Variants in LRMDA observed in about 807,000 individuals in gnomAD.
The protein encoded by LRMDA is leucine rich melanocyte differentiation associated, also known as leucine-rich melanocyte differentiation-associated protein.
A neutral mutation model predicts 29.8 loss-of-function variants in LRMDA; 18 were observed. The ratio of observed to expected loss-of-function variants is 0.60; its 90% CI spans 0.42 to 0.90. The LOEUF (loss-of-function observed/expected upper bound fraction) is 0.90, where lower values mean the gene tolerates loss of function less well. Among genes scored for constraint, LRMDA ranks in the 40% least tolerant of loss-of-function variants. The pLI, the probability that LRMDA is intolerant of heterozygous loss-of-function variation, is 0.00. For synonymous variants in LRMDA, 125 were observed against 109.4 expected, an observed-to-expected ratio of 1.14 and a Z score of -0.89; for missense variants, 273 against 273.9, an observed-to-expected ratio of 1.00 and a Z score of 0.02.
chr10:75,692,786 G>A (rs1254958257), intron 2 of LRMDA, among the ~76,000 whole-genome samples: 1 of 152,118 alleles, frequency 6.6e-6, no homozygotes, highest in East Asian at 1.9e-4. Context: ...AGGCCTGGTG[G>A]AGAGGGGAGA....
intron 2 of LRMDA, chr10:75,643,077 G>A (rs145824791): frequency 1.3e-5 from 2 of 151,992 alleles, no homozygotes; most frequent in African/African-American, 2.4e-5. Context: ...ACCTCAGCAC[G>A]GTAGGACTTT....
intron 6 of LRMDA, among the ~76,000 whole-genome samples, chr10:76,528,075 C>CTA (rs149770974): frequency 0.035 from 5,375 of 152,190 alleles, 121 homozygotes; most frequent in South Asian, 0.1. Context: ...ATGCCTGGTG[C>CTA]TATGGAGTGG....
intron 2 of LRMDA, among the ~76,000 whole-genome samples, chr10:75,526,176 C>A (rs183851641): frequency 1.1e-4 from 17 of 152,130 alleles, no homozygotes; most frequent in African/African-American, 4.1e-4. Flanking sequence ...AGGGATCCTC[C>A]TGCCTCAGCC....
intron 2 of LRMDA, among the ~76,000 whole-genome samples, chr10:75,833,457 C>A (rs114732654): frequency 0.013 from 2,011 of 152,278 alleles, 52 homozygotes; most frequent in African/African-American, 0.046. Flanking sequence ...ATGATCTCTT[C>A]TCTTTTTGCT....
chr10:75,822,712 G>A (rs999156311), intron 2 of LRMDA, among the ~76,000 whole-genome samples: 1 of 152,014 alleles, frequency 6.6e-6, no homozygotes, highest in African/African-American at 2.4e-5. Flanking sequence ...CTGGGGGAAA[G>A]GACACCTTAT....
chr10:75,465,095 C>T (rs1564777848), intron 2 of LRMDA, among the ~76,000 whole-genome samples: 1 of 152,128 alleles, frequency 6.6e-6, no homozygotes, highest in African/African-American at 2.4e-5. Flanking sequence ...GTGGAGGAAA[C>T]TTTAATTTTG....
chr10:75,993,074 C>T (rs1430173294), intron 2 of LRMDA, among the ~76,000 whole-genome samples: 1 of 152,104 alleles, frequency 6.6e-6, no homozygotes, highest in Non-Finnish European at 1.5e-5. Context: ...CCTCTCAGCC[C>T]TTGTGATTCC....
At chr10:75,695,764 G>C (rs1220610249) in intron 2 of LRMDA, among the ~76,000 whole-genome samples, 1 of 152,120 alleles carries the variant, frequency 6.6e-6, no homozygotes, top group East Asian at 1.9e-4. Flanking sequence ...TCTGTGGCCT[G>C]ATTTTTTTTC....
intron 6 of LRMDA, among the ~76,000 whole-genome samples, chr10:76,344,826 G>A (rs972872078): frequency 6.0e-5 from 9 of 150,750 alleles, no homozygotes; most frequent in Admixed American, 5.3e-4. Flanking sequence ...CATATAATAG[G>A]TATTTGGAAA....
chr10:76,459,569 G>A (rs1199755513), intron 6 of LRMDA, among the ~76,000 whole-genome samples: 4 of 152,134 alleles, frequency 2.6e-5, no homozygotes, highest in East Asian at 1.9e-4. Flanking sequence ...AATGCTTTAC[G>A]TGCTTTGGTG....
chr10:75,506,028 A>G (rs971071690), intron 2 of LRMDA, among the ~76,000 whole-genome samples: 2 of 152,206 alleles, frequency 1.3e-5, no homozygotes, highest in African/African-American at 2.4e-5. Context: ...CCTGCGGTGA[A>G]CTTAGTGTTT....
chr10:75,627,454 T>C (rs1186775739), intron 2 of LRMDA, among the ~76,000 whole-genome samples: 1 of 152,174 alleles, frequency 6.6e-6, no homozygotes, highest in East Asian at 1.9e-4. Context: ...AGAGATGAGT[T>C]ATGGCAGTTT....
chr10:76,099,803 C>G (rs1425774050), intron 5 of LRMDA, among the ~76,000 whole-genome samples: 1 of 152,030 alleles, frequency 6.6e-6, no homozygotes, highest in Non-Finnish European at 1.5e-5. Flanking sequence ...AGATAACACA[C>G]TTTGTATTAT....
intron 2 of LRMDA, among the ~76,000 whole-genome samples, chr10:75,567,775 C>T (rs1336817106): frequency 6.6e-6 from 1 of 152,066 alleles, no homozygotes; most frequent in Non-Finnish European, 1.5e-5. Context: ...GAATCATGAT[C>T]CCCCAGTATT....
intron 2 of LRMDA, among the ~76,000 whole-genome samples, chr10:75,442,125 C>G (rs1318406707): frequency 2.0e-5 from 3 of 152,060 alleles, no homozygotes; most frequent in Non-Finnish European, 4.4e-5. Flanking sequence ...AAATTTTTTC[C>G]AACTTTATTG....
intron 6 of LRMDA, among the ~76,000 whole-genome samples, chr10:76,380,156 C>A (rs964163610): frequency 1.3e-5 from 2 of 151,972 alleles, no homozygotes; most frequent in Middle Eastern, 3.2e-3. Flanking sequence ...ATATTCCATG[C>A]GTAGATGAGA....
At chr10:75,855,414 T>A (rs1844808600) in intron 2 of LRMDA, among the ~76,000 whole-genome samples, 1 of 152,220 alleles carries the variant, frequency 6.6e-6, no homozygotes, top group African/African-American at 2.4e-5. Context: ...TTGATGGGGT[T>A]GTTTTTTTCT....
intron 2 of LRMDA, among the ~76,000 whole-genome samples, chr10:75,916,392 G>C (rs1244770876): frequency 6.6e-6 from 1 of 152,232 alleles, no homozygotes; most frequent in Middle Eastern, 3.4e-3. Context: ...CCTGGCAAGA[G>C]AGAGGCAGCA....
At chr10:75,658,454 T>C (rs1470917837) in intron 2 of LRMDA, among the ~76,000 whole-genome samples, 2 of 151,852 alleles carry the variant, frequency 1.3e-5, no homozygotes, top group Non-Finnish European at 1.5e-5. Flanking sequence ...TAGCAAAAGG[T>C]TTCTTTTTTT....
Sources: allele counts gnomAD v4.1 joint callset (sites outside exome capture counted in the v4.1 genomes callset), GRCh38; gene constraint gnomAD v4.1.1; transcripts MANE v1.5; gene names NCBI Gene and HGNC (gene_info 2026-07-23, HGNC 2026-07-21).